Variants in TPO observed in about 807,000 individuals in gnomAD.
TPO encodes the protein thyroid microsomal antigen.
Under a neutral mutation model 96.9 loss-of-function variants are expected in TPO, and 78 were observed. The ratio of observed to expected loss-of-function variants is 0.81; its 90% CI spans 0.67 to 0.97. The LOEUF (loss-of-function observed/expected upper bound fraction) is 0.97, where lower values mean the gene tolerates loss of function less well. Among genes scored for constraint, TPO ranks in the 50% least tolerant of loss-of-function variants. The pLI, the probability that TPO is intolerant of heterozygous loss-of-function variation, is 0.00. For missense variants in TPO, 1,252 were observed against 1,274.8 expected (o/e 0.98, Z 0.27); for synonymous variants, 547 against 538.0 (o/e 1.02, Z -0.23).
chr2:1,504,050 A>G lies in TPO; in HGVS notation c.2489A>G (p.Glu830Gly), dbSNP rs1673156542. Reference protein sequence around the residue: ...GFQCLCADPYELGDDGRTCVD... With the variant: ...GFQCLCADPYGLGDDGRTCVD... ...CAGTGTCTCTGCGCGGACCCCTACG[A>G]GTTAGGAGACGATGGGAGAACCTGC... Residue 830 changes from glutamate (E) to glycine (G), a missense_variant, in exon 14 of 17, where the codon GAG becomes GGG. By Grantham distance (98) the Glu-to-Gly change is moderately conservative. Transcript: ENST00000329066. The G allele has an allele frequency of 6.8e-6, 11 of 1,614,014 alleles. No homozygotes were observed. Among genetic ancestry groups the G allele is most frequent in the Non-Finnish European group, 9.3e-6 (11 of 1,180,026 alleles).
chr2:1,471,414 T>C (rs1423356969), intron 7 of TPO, among the ~76,000 whole-genome samples: 1 of 152,076 alleles, frequency 6.6e-6, no homozygotes, highest in Admixed American at 6.5e-5. Flanking sequence ...TTGACAAGTG[T>C]AGTTAAGACT....
At chr2:1,386,643 G>A (rs1458983143) in intron 1 of TPO, among the ~76,000 whole-genome samples, 1 of 152,168 alleles carries the variant, frequency 6.6e-6, no homozygotes, top group Non-Finnish European at 1.5e-5. Flanking sequence ...ACAGCACACT[G>A]ATGGGTCTTG....
chr2:1,515,442 A>T, intron 14 of TPO, among the ~76,000 whole-genome samples: 1 of 152,214 alleles, frequency 6.6e-6, no homozygotes. Context: ...GGAGCCCAGG[A>T]GGAAAAGTCA....
chr2:1,524,644 TGCAACCTCCTCAAATCCCCCCACTGTGG>T lies in TPO; in HGVS notation c.2618+7672_2618+7699del, dbSNP rs1332618894. ...AACCTCCTCAAATCCCCCTACTGCCTGCAACCTCCTCAAATCCCCCCACTGTGGGCAACCTCCCCAAATCCCCCCACTG... is the reference window on the plus strand; with the variant it reads ...AACCTCCTCAAATCCCCCTACTGCCTGCAACCTCCCCAAATCCCCCCACTG... On this transcript the variant is annotated intron_variant, in intron 15 of 16. Transcript: ENST00000329066. Among the ~76,000 whole-genome samples the T allele has an allele frequency of 2.3e-4, 20 of 87,668 alleles. 1 individual carries two copies. The highest frequency in any genetic ancestry group is 9.8e-3 in the Middle Eastern group (1 of 102). The allele number at this position is 87,668 out of a possible 152,430, so 57.5% of individuals were successfully genotyped here.
At chr2:1,511,664 C>G (rs1192610314) in intron 14 of TPO, among the ~76,000 whole-genome samples, 4 of 152,176 alleles carry the variant, frequency 2.6e-5, no homozygotes, top group Non-Finnish European at 5.9e-5. Context: ...CCATGTCCTC[C>G]CAGGGCAGTC....
At chr2:1,427,276 T>A (rs1445902586) in intron 3 of TPO, among the ~76,000 whole-genome samples, 1 of 152,174 alleles carries the variant, frequency 6.6e-6, no homozygotes, top group Non-Finnish European at 1.5e-5. Flanking sequence ...GGGAAGAGCA[T>A]CCCTGTTTGA....
intron 1 of TPO, among the ~76,000 whole-genome samples, chr2:1,388,581 T>C (rs1661945389): frequency 6.6e-6 from 1 of 152,056 alleles, no homozygotes; most frequent in Middle Eastern, 3.2e-3. Flanking sequence ...ATGGTGGGAG[T>C]GACCCGATTT....
At chr2:1,462,394 T>C (rs1478070325) in intron 7 of TPO, among the ~76,000 whole-genome samples, 4 of 152,036 alleles carry the variant, frequency 2.6e-5, no homozygotes, top group South Asian at 2.1e-4. Context: ...TCACAAGGAA[T>C]TGTTATCTTC....
rs189830890 is a variant in TPO, at chr2:1,538,877, A to G, written c.2619-1717A>G. Among the ~76,000 whole-genome samples the G allele has an allele frequency of 1.4e-4, 21 of 152,300 alleles. No individual in the cohort carries two copies. In the East Asian group the frequency reaches 2.5e-3, roughly 18 times the overall value. On this transcript the variant is annotated intron_variant, in intron 15 of 16. Transcript: ENST00000329066. ...TTGGAAGGACGAATGCGCCTTGCACATCCAGCCTTTGGTGCCCTGCTGGTG... is the reference window on the plus strand; with the variant it reads ...TTGGAAGGACGAATGCGCCTTGCACGTCCAGCCTTTGGTGCCCTGCTGGTG...
intron 15 of TPO, among the ~76,000 whole-genome samples, chr2:1,528,922 G>T (rs1677300790): frequency 1.5e-5 from 2 of 131,098 alleles, no homozygotes; most frequent in Admixed American, 1.6e-4. Context: ...CCCCCACTGT[G>T]TGCAACCCCC....
chr2:1,529,580 C>T (rs1185578810), intron 15 of TPO, among the ~76,000 whole-genome samples: 3 of 7,590 alleles, frequency 4.0e-4, no homozygotes, highest in Admixed American at 3.2e-3. Flanking sequence ...CTCCTCAAAT[C>T]CCCCACCACT....
chr2:1,400,280 G>A (rs1011110122), intron 1 of TPO, among the ~76,000 whole-genome samples: 1 of 152,146 alleles, frequency 6.6e-6, no homozygotes, highest in Non-Finnish European at 1.5e-5. Context: ...ATCACTTGAG[G>A]TCAGGAGTTT....
chr2:1,453,857 G>C (rs769400462), intron 6 of TPO, 34 bp downstream of exon 6: 2 of 1,613,390 alleles, frequency 1.2e-6, no homozygotes, highest in South Asian at 1.1e-5. Context: ...CCTGGACTAA[G>C]ATTGGGTCCT....
chr2:1,538,124 C>T (rs916612439), intron 15 of TPO, among the ~76,000 whole-genome samples: 5 of 111,144 alleles, frequency 4.5e-5, no homozygotes, highest in Non-Finnish European at 8.1e-5. Context: ...AATCCCCGCA[C>T]TGTGTTCAAC....
chr2:1,523,429 C>T (rs533176336), intron 15 of TPO, among the ~76,000 whole-genome samples: 3 of 145,666 alleles, frequency 2.1e-5, no homozygotes, highest in Non-Finnish European at 4.5e-5. Context: ...CTCTGTGCAA[C>T]CTCCCCAAAT....
At chr2:1,528,473 G>C (rs957634242) in intron 15 of TPO, among the ~76,000 whole-genome samples, 11 of 141,484 alleles carry the variant, frequency 7.8e-5, no homozygotes, top group African/African-American at 3.1e-4. Flanking sequence ...TCTCAACTGT[G>C]TGCAACCTCC....
At chr2:1,387,767 T>C (rs927970478) in intron 1 of TPO, among the ~76,000 whole-genome samples, 2 of 152,252 alleles carry the variant, frequency 1.3e-5, no homozygotes, top group Non-Finnish European at 2.9e-5. Flanking sequence ...GCTGCGTTCC[T>C]TTGGAGGAGG....
chr2:1,515,973 C>T (rs1043234968), intron 14 of TPO, among the ~76,000 whole-genome samples: 14 of 152,138 alleles, frequency 9.2e-5, no homozygotes, highest in Admixed American at 5.2e-4. Flanking sequence ...GATTTCTCCT[C>T]GGCCACCTCG....
At chr2:1,485,471 G>C (rs1377003953) in intron 9 of TPO, among the ~76,000 whole-genome samples, 1 of 152,018 alleles carries the variant, frequency 6.6e-6, no homozygotes. Context: ...GATGCTTGAG[G>C]AATCGCCACA....
Sources: allele counts gnomAD v4.1 joint callset (sites outside exome capture counted in the v4.1 genomes callset), GRCh38; gene constraint gnomAD v4.1.1; transcripts MANE v1.5; gene names NCBI Gene and HGNC (gene_info 2026-07-23, HGNC 2026-07-21).